DNM3: variants seen among roughly 807,000 people sequenced by gnomAD.
The protein encoded by DNM3 is dynamin 3, also known as dynamin-3.
Under a neutral mutation model 101.6 loss-of-function variants are expected in DNM3, and 47 were observed. The observed-to-expected ratio is 0.46, with a 90% CI of 0.37 to 0.59. The LOEUF (loss-of-function observed/expected upper bound fraction) is 0.59, where lower values mean the gene tolerates loss of function less well. Ranked by LOEUF, DNM3 falls within the 20% of genes least tolerant of loss-of-function variation. The probability of loss-of-function intolerance (pLI) is 0.00; values close to 1 mark genes in which losing one functional copy is unlikely to be tolerated. For synonymous variants in DNM3, 385 were observed against 387.9 expected, an observed-to-expected ratio of 0.99 and a Z score of 0.09; for missense variants, 849 against 1,085.7, an observed-to-expected ratio of 0.78 and a Z score of 3.06.
At chr1:172,208,074 A>T (rs766218416) in intron 14 of DNM3, among the ~76,000 whole-genome samples, 6 of 152,082 alleles carry the variant, frequency 3.9e-5, no homozygotes, top group Admixed American at 6.6e-5. Flanking sequence ...TATTTTTTGA[A>T]TGAGACAGAA....
intron 2 of DNM3, among the ~76,000 whole-genome samples, chr1:171,925,121 G>C (rs2040463381): frequency 6.7e-6 from 1 of 150,304 alleles, no homozygotes; most frequent in Admixed American, 6.6e-5. Context: ...GGCTGGTCTT[G>C]AACTCCTGAC....
intron 20 of DNM3, among the ~76,000 whole-genome samples, chr1:172,404,622 C>T (rs184349104): frequency 9.2e-5 from 14 of 152,134 alleles, no homozygotes; most frequent in Admixed American, 3.3e-4. Flanking sequence ...TCCCTTCAAT[C>T]GCCATCATTT....
intron 13 of DNM3, 122 bp from the exon 14 acceptor site, chr1:172,131,053 G>T: frequency 1.2e-6 from 1 of 816,908 alleles, no homozygotes; most frequent in Non-Finnish European, 2.0e-6. Context: ...AGTTGAGTTT[G>T]GAGGGAAAAT....
intron 1 of DNM3, among the ~76,000 whole-genome samples, chr1:171,862,931 G>A (rs2125049989): frequency 6.6e-6 from 1 of 152,140 alleles, no homozygotes; most frequent in South Asian, 2.1e-4. Flanking sequence ...AGTGGTAGGA[G>A]TTGGGAAGCC....
intron 15 of DNM3, among the ~76,000 whole-genome samples, chr1:172,257,939 C>T (rs926199921): frequency 6.6e-6 from 1 of 151,428 alleles, no homozygotes; most frequent in Non-Finnish European, 1.5e-5. Context: ...CACACACACA[C>T]AAACATTATT....
At chr1:172,085,366 T>C (rs1344503030) in intron 12 of DNM3, among the ~76,000 whole-genome samples, 1 of 152,102 alleles carries the variant, frequency 6.6e-6, no homozygotes, top group African/African-American at 2.4e-5. Flanking sequence ...TCCTCAGTAA[T>C]CCTCTTTTGA....
intron 16 of DNM3, among the ~76,000 whole-genome samples, chr1:172,320,623 AT>A (rs2065665172): frequency 6.6e-6 from 1 of 152,280 alleles, no homozygotes; most frequent in East Asian, 1.9e-4. Flanking sequence ...TGAAGCTGTA[AT>A]TCCCAATTAA....
chr1:171,936,945 G>A lies in DNM3; in HGVS notation c.235+15124G>A, dbSNP rs76464324. On this transcript the variant is annotated intron_variant, in intron 2 of 20. Coordinates refer to ENST00000627582, the MANE Select transcript of DNM3 (RefSeq NM_015569.5). Reference sequence around the variant, plus strand: ...GCAGCCTTAGAGCACTGTGAGTCTAGGCAGACTGAGCAAAAGGGAAGAGAT... The same window carrying A: ...GCAGCCTTAGAGCACTGTGAGTCTAAGCAGACTGAGCAAAAGGGAAGAGAT... Among the ~76,000 whole-genome samples, 1,145 of 152,346 alleles carry A rather than the reference G, an allele frequency of 7.5e-3. 8 individuals carry two copies. Among genetic ancestry groups the A allele is most frequent in the African/African-American group, 0.026 (1,099 of 41,572 alleles).
intron 15 of DNM3, among the ~76,000 whole-genome samples, chr1:172,306,994 A>C (rs1177717848): frequency 1.3e-5 from 2 of 152,196 alleles, no homozygotes; most frequent in Non-Finnish European, 2.9e-5. Context: ...AAAACACCAA[A>C]AGCAACCACA....
At chr1:172,178,248 G>T (rs573700909) in intron 14 of DNM3, among the ~76,000 whole-genome samples, 1 of 151,934 alleles carries the variant, frequency 6.6e-6, no homozygotes, top group Non-Finnish European at 1.5e-5. Flanking sequence ...TGGTTATGTG[G>T]CATATGGCTG....
intron 15 of DNM3, among the ~76,000 whole-genome samples, chr1:172,270,070 T>A (rs1227692865): frequency 2.6e-5 from 4 of 152,140 alleles, no homozygotes; most frequent in Admixed American, 2.6e-4. Flanking sequence ...AAAACTTACG[T>A]CAAATAGTAG....
chr1:172,216,077 C>T (rs2060689064), intron 14 of DNM3, among the ~76,000 whole-genome samples: 1 of 149,996 alleles, frequency 6.7e-6, no homozygotes, highest in African/African-American at 2.4e-5. Context: ...TTTTTCAAAC[C>T]TGCTGTCAAG....
intron 1 of DNM3, among the ~76,000 whole-genome samples, chr1:171,898,854 CT>C (rs1426986267): frequency 1.3e-5 from 2 of 152,058 alleles, no homozygotes; most frequent in Non-Finnish European, 2.9e-5. Flanking sequence ...GATAAATCCT[CT>C]CTTTTTGGAT....
intron 17 of DNM3, among the ~76,000 whole-genome samples, chr1:172,367,430 T>C (rs1264375584): frequency 3.3e-5 from 5 of 151,774 alleles, no homozygotes; most frequent in Admixed American, 2.6e-4. Context: ...AACTCACTTA[T>C]AGAGCAGATA....
At chr1:172,114,740 C>T (rs1355032009) in intron 13 of DNM3, among the ~76,000 whole-genome samples, 2 of 152,062 alleles carry the variant, frequency 1.3e-5, no homozygotes, top group African/African-American at 4.8e-5. Context: ...ATTGAGGCTC[C>T]GAGAGGTTAA....
chr1:172,356,872 G>A (rs758755813), intron 17 of DNM3, among the ~76,000 whole-genome samples: 2 of 152,046 alleles, frequency 1.3e-5, no homozygotes, highest in African/African-American at 2.4e-5. Context: ...AGTACAAGAT[G>A]AGCCTGGAAT....
chr1:172,231,498 A>G (rs1373776758), intron 14 of DNM3, among the ~76,000 whole-genome samples: 1 of 152,134 alleles, frequency 6.6e-6, no homozygotes, highest in African/African-American at 2.4e-5. Context: ...TGGGGAAAAA[A>G]CAGAGCAGAA....
intron 17 of DNM3, among the ~76,000 whole-genome samples, chr1:172,359,978 A>G (rs778970766): frequency 4.6e-5 from 7 of 151,990 alleles, no homozygotes; most frequent in African/African-American, 7.2e-5. Flanking sequence ...AATCAACTGT[A>G]TACTATGACC....
At chr1:171,932,066 TCCTC>T (rs1338425432) in intron 2 of DNM3, among the ~76,000 whole-genome samples, 45 of 78,724 alleles carry the variant, frequency 5.7e-4, no homozygotes, top group African/African-American at 1.6e-3. Flanking sequence ...CTCCCTCCAT[TCCTC>T]CCTCCCTCCC....
Sources: allele counts gnomAD v4.1 joint callset (sites outside exome capture counted in the v4.1 genomes callset), GRCh38; gene constraint gnomAD v4.1.1; transcripts MANE v1.5; gene names NCBI Gene and HGNC (gene_info 2026-07-23, HGNC 2026-07-21).